USP39: variants seen among roughly 807,000 people sequenced by gnomAD.
USP39 encodes ubiquitin carboxyl-terminal hydrolase 39.
A neutral mutation model predicts 66.4 loss-of-function variants in USP39; 38 were observed. The ratio of observed to expected loss-of-function variants is 0.57; its 90% CI spans 0.44 to 0.75. The LOEUF is 0.75. USP39 is among the 30% of genes least tolerant of loss of function. USP39 has a pLI of 0.00. For synonymous variants in USP39, 303 were observed against 274.6 expected (o/e 1.10, Z -1.02); for missense variants, 608 against 714.4 (o/e 0.85, Z 1.70).
At chr2:85,637,224 C>G in intron 7 of USP39, 145 bp from the exon 8 acceptor site, 1 of 770,894 alleles carries the variant, frequency 1.3e-6, no homozygotes, top group Non-Finnish European at 2.1e-6. Context: ...GTATATAGTA[C>G]AAAAGGAAAC....
intron 10 of USP39, among the ~76,000 whole-genome samples, chr2:85,643,324 A>G (rs1329096144): frequency 6.6e-6 from 1 of 152,006 alleles, no homozygotes; most frequent in Non-Finnish European, 1.5e-5. Flanking sequence ...CCCCGTCTCT[A>G]CTAAAAATTC....
intron 9 of USP39, 55 bp from the exon 10 acceptor site, chr2:85,640,921 C>A: frequency 6.6e-7 from 1 of 1,526,648 alleles, no homozygotes. Flanking sequence ...CATGCCCCTG[C>A]TCTAATACTA....
intron 11 of USP39, among the ~76,000 whole-genome samples, chr2:85,647,483 G>A (rs1274185074): frequency 6.6e-6 from 1 of 151,182 alleles, no homozygotes; most frequent in Non-Finnish European, 1.5e-5. Context: ...GGGCAACACA[G>A]TGGGACCCCA....
upstream of USP39, chr2:85,611,549 C>G (rs978947008): frequency 5.8e-6 from 9 of 1,550,954 alleles, no homozygotes; most frequent in Middle Eastern, 1.7e-4. Flanking sequence ...GTGGAGGTTC[C>G]GGAAAGAGAC....
In USP39 at chr2:85,625,578, A is replaced by C. The variant is rs1390985790; in HGVS notation, c.610A>C (p.Asn204His). The C allele has an allele frequency of 6.2e-7, 1 of 1,614,026 alleles. No homozygotes were observed. Among genetic ancestry groups the C allele is most frequent in the Admixed American group, 1.7e-5 (1 of 59,994 alleles). ...KPTFTKQQIANLDKQAKLSRA... is the reference protein window; with the variant it reads ...KPTFTKQQIAHLDKQAKLSRA... ...CACTTTCACAAAGCAGCAAATTGCA[A>C]ACTTGGACAAGCAAGCCAAATTGTC... Residue 204 changes from asparagine to histidine, a missense_variant, in exon 5 of 13, where the codon AAC (asparagine) becomes CAC (histidine). By Grantham distance (68) the Asn-to-His change is moderately conservative (BLOSUM62 1). Transcript: ENST00000323701.
At chr2:85,615,078 T>C (rs182782418), upstream of USP39, among the ~76,000 whole-genome samples, 37 of 152,170 alleles carry the variant, frequency 2.4e-4, no homozygotes, top group East Asian at 6.8e-3. Flanking sequence ...TGGAGTGCAA[T>C]GGGGCGATCT....
chr2:85,648,829 C>A lies in USP39; in HGVS notation c.*21C>A. ...CTTGAAGGAGGCGTCTAGGGCTTTG[C>A]TCCCAAGGGCTGTGGCTGATGATGG... On this transcript the variant is annotated 3_prime_UTR_variant, in exon 13 of 13. Transcript: ENST00000323701. 1.2e-6 allele frequency: 2 copies of A among 1,613,734 alleles called. No individual in the cohort carries two copies. Among genetic ancestry groups the A allele is most frequent in the Non-Finnish European group, 1.7e-6 (2 of 1,179,840 alleles).
intron 6 of USP39, 107 bp from the exon 7 acceptor site, chr2:85,635,946 A>C: frequency 5.9e-6 from 6 of 1,009,782 alleles, no homozygotes; most frequent in Non-Finnish European, 9.5e-6. Flanking sequence ...ATGGGATGGC[A>C]TGGCCAGAGA....
At chr2:85,634,661 A>C (rs1351453394) in intron 6 of USP39, among the ~76,000 whole-genome samples, 1 of 152,214 alleles carries the variant, frequency 6.6e-6, no homozygotes, top group Non-Finnish European at 1.5e-5. Context: ...CCCAAGAACT[A>C]GGTGGCTAGG....
chr2:85,644,826 C>A (rs865798457), intron 10 of USP39, 122 bp from the exon 11 acceptor site: 3 of 1,347,594 alleles, frequency 2.2e-6, no homozygotes, highest in Middle Eastern at 2.1e-4. Flanking sequence ...ACTCTGCAAG[C>A]CTACCCAGAG....
chr2:85,612,010 G>T, upstream of USP39: 1 of 1,468,088 alleles, frequency 6.8e-7, no homozygotes, highest in Non-Finnish European at 9.0e-7. Context: ...CAGAGTCGCC[G>T]CCGCCTCGAC....
chr2:85,631,947 C>T (rs1275140100), intron 6 of USP39, among the ~76,000 whole-genome samples: 1 of 17,456 alleles, frequency 5.7e-5, no homozygotes, highest in Non-Finnish European at 8.4e-5. Context: ...GGGGGTTTCA[C>T]CATGTTGGCC....
chr2:85,625,756 C>A lies in USP39; in HGVS notation c.723+65C>A. 7 of 1,563,860 alleles carry A rather than the reference C, an allele frequency of 4.5e-6. No individual in the cohort carries two copies. In the South Asian group the frequency reaches 8.0e-5, roughly 18 times the overall value. On this transcript the variant is annotated intron_variant, in intron 5 of 12. Transcript: ENST00000323701. ...CCAGAAGGCTGAGCACAGTGGCTCA[C>A]CCCTGTAATCCCAGCACTTTGGGAG... is the stretch of plus-strand genomic sequence containing the variant.
chr2:85,645,201 A>G, intron 11 of USP39, 118 bp downstream of exon 11: 2 of 1,396,494 alleles, frequency 1.4e-6, no homozygotes, highest in Non-Finnish European at 2.0e-6. Context: ...GGGACTCTGC[A>G]AGTAATAGTG....
chr2:85,623,831 C>T, intron 4 of USP39, 49 bp downstream of exon 4: 1 of 1,543,562 alleles, frequency 6.5e-7, no homozygotes, highest in Non-Finnish European at 8.8e-7. Flanking sequence ...AATGAGCCAT[C>T]CCAGGGCTCC....
chr2:85,623,814 A>T, intron 4 of USP39, 32 bp downstream of exon 4: 1 of 1,590,456 alleles, frequency 6.3e-7, no homozygotes, highest in Non-Finnish European at 8.6e-7. Context: ...TTTGGGGTCC[A>T]TTCTTTAATG....
Position 85,623,732 on chromosome 2 carries a change from T to A in USP39, c.520T>A (p.Cys174Ser). The change falls in exon 4 of 13, where the codon TGC becomes AGC. Residue 174 changes from cysteine (C) to serine (S), a missense_variant. Cys to Ser is a moderately radical substitution (Grantham distance 112, BLOSUM62 -1). This residue lies in a region of USP39 where 115 missense variants were observed against 198.6 expected (regional missense o/e 0.58). Coordinates refer to ENST00000323701, the MANE Select transcript of USP39 (RefSeq NM_006590.4). Reference sequence around the variant, plus strand: ...CAACCTCCACACCCTCAAGTTTTACTGCCTTCCAGACAACTATGAGATCAT... The same window carrying A: ...CAACCTCCACACCCTCAAGTTTTACAGCCTTCCAGACAACTATGAGATCAT... ...FLNLHTLKFY[C>S]LPDNYEIIDS... The A allele has an allele frequency of 6.2e-7, 1 of 1,614,024 alleles. No individual in the cohort carries two copies. The highest frequency in any genetic ancestry group is 8.5e-7 in the Non-Finnish European group (1 of 1,179,996).
In USP39 at chr2:85,635,088, G is replaced by A. The variant is rs150107410; in HGVS notation, c.950-965G>A. ...GTGTGAAGTGTTTCTTGCTGTGGTA[G>A]TTTGTTACATAAGAGCATTCTGTGT... On this transcript the variant is annotated intron_variant, in intron 6 of 12. Coordinates refer to ENST00000323701, the MANE Select transcript of USP39 (RefSeq NM_006590.4). Among the ~76,000 whole-genome samples, 76 of 152,298 alleles carry A rather than the reference G, an allele frequency of 5.0e-4. 2 individuals are homozygous for A. In the South Asian group the frequency reaches 0.011, roughly 22 times the overall value.
At chr2:85,622,821 T>A (rs1036880698) in intron 3 of USP39, among the ~76,000 whole-genome samples, 1 of 151,966 alleles carries the variant, frequency 6.6e-6, no homozygotes, top group African/African-American at 2.4e-5. Flanking sequence ...AGGAGGAGGA[T>A]TGTTTAAAGT....
Sources: allele counts gnomAD v4.1 joint callset (sites outside exome capture counted in the v4.1 genomes callset), GRCh38; gene constraint gnomAD v4.1.1; regional missense constraint gnomAD v4.1.1; transcripts MANE v1.5; gene names NCBI Gene and HGNC (gene_info 2026-07-23, HGNC 2026-07-21).